Variants in EXPH5 observed in about 807,000 individuals in gnomAD.
The protein encoded by EXPH5 is exophilin-5.
EXPH5 carries 42 observed loss-of-function variants against 41.1 expected under a neutral mutation model. That is an observed-to-expected ratio of 1.02 (90% CI 0.80 to 1.32). The LOEUF is 1.32. Among genes scored for constraint, EXPH5 ranks in the 40% most tolerant of loss-of-function variants. The pLI is 0.00. For synonymous variants in EXPH5, 798 were observed against 833.5 expected (o/e 0.96, Z 0.73); for missense variants, 2,298 against 2,314.5 (o/e 0.99, Z 0.15).
At chr11:108,603,778 G>T in the EXPH5 span, among the ~76,000 whole-genome samples, 1 of 152,294 alleles carries the variant, frequency 6.6e-6, no homozygotes, top group South Asian at 2.1e-4. Flanking sequence ...ATGACTGAAT[G>T]CTGGAACAAA....
chr11:108,513,351 T>C lies in EXPH5; in HGVS notation c.2156A>G (p.Gln719Arg). 1 of 1,614,068 alleles carries C rather than the reference T, an allele frequency of 6.2e-7. No individual in the cohort carries two copies. The highest frequency in any genetic ancestry group is 1.1e-5 in the South Asian group (1 of 91,058). Residue 719 changes from glutamine (Q) to arginine (R), a missense_variant, in exon 6 of 6, where the codon CAG becomes CGG. Coordinates refer to ENST00000265843, the MANE Select transcript of EXPH5 (RefSeq NM_015065.3). ...EEDKQLSKMD[Q>R]TNKAGEIPQP... ...GGGTATTTCACCTGCCTTGTTTGTC[T>C]GGTCCATCTTGCTTAGCTGTTTGTC...
intron 1 of EXPH5, among the ~76,000 whole-genome samples, chr11:108,584,457 G>T (rs751219741): frequency 6.6e-6 from 1 of 151,148 alleles, no homozygotes; most frequent in East Asian, 1.9e-4. Flanking sequence ...CAGCTTAGGC[G>T]ACAAAGAGAG....
At chr11:108,569,966 A>G (rs987700319) in intron 1 of EXPH5, among the ~76,000 whole-genome samples, 2 of 152,174 alleles carry the variant, frequency 1.3e-5, no homozygotes, top group East Asian at 1.9e-4. Flanking sequence ...CAGCTCCAAG[A>G]AAAAGGTAAA....
rs1056250182 is a variant in EXPH5, at chr11:108,507,020, T to A, written c.*2517A>T. ...AAAATAATAATAATAATAATAATAA[T>A]CAGATAAATAGAAAAAGAGGAAAGG... On this transcript the variant is annotated 3_prime_UTR_variant, in exon 6 of 6. Coordinates refer to ENST00000265843, the MANE Select transcript of EXPH5 (RefSeq NM_015065.3). 3 of 151,656 alleles carry A rather than the reference T, an allele frequency of 2.0e-5. No homozygotes were observed. Among genetic ancestry groups the A allele is most frequent in the African/African-American group, 7.3e-5 (3 of 41,254 alleles). 9.4% of individuals were successfully genotyped at this position (151,656 alleles called of 1,614,324 possible). A position where few individuals can be genotyped will look rare whatever the true frequency, so the allele number is the denominator to read the frequency against.
At chr11:108,537,946 A>G in intron 3 of EXPH5, 5 of 984,522 alleles carry the variant, frequency 5.1e-6, no homozygotes, top group Non-Finnish European at 6.0e-6. Flanking sequence ...AAATTTTTAC[A>G]GAGAAAAACG....
At chr11:108,577,992 C>G (rs941753691) in intron 1 of EXPH5, among the ~76,000 whole-genome samples, 2 of 152,048 alleles carry the variant, frequency 1.3e-5, no homozygotes, top group African/African-American at 4.8e-5. Context: ...TGTAGGTTGT[C>G]TCTTCATGAT....
At chr11:108,582,269 C>A (rs1265352945) in intron 1 of EXPH5, among the ~76,000 whole-genome samples, 1 of 151,996 alleles carries the variant, frequency 6.6e-6, no homozygotes, top group Non-Finnish European at 1.5e-5. Context: ...TCAAGATCAG[C>A]CTGGGCAATA....
chr11:108,603,267 A>G, the EXPH5 span, among the ~76,000 whole-genome samples: 1 of 152,218 alleles, frequency 6.6e-6, no homozygotes, highest in Non-Finnish European at 1.5e-5. Context: ...TGCTGAACAT[A>G]TTTTGGAGCT....
At chr11:108,556,762 T>C (rs992251632) in intron 1 of EXPH5, among the ~76,000 whole-genome samples, 1 of 152,180 alleles carries the variant, frequency 6.6e-6, no homozygotes, top group Non-Finnish European at 1.5e-5. Flanking sequence ...GGCTGAGTCA[T>C]CAGGCCTGGC....
chr11:108,552,968 G>A (rs192065885), intron 1 of EXPH5, among the ~76,000 whole-genome samples: 69 of 152,222 alleles, frequency 4.5e-4, no homozygotes, highest in African/African-American at 1.5e-3. Flanking sequence ...GACCGAGGTG[G>A]GTGGATTACT....
Position 108,511,815 on chromosome 11 carries a change from GT to G in EXPH5, c.3691del (p.Thr1231ArgfsTer14). On this transcript the variant is annotated frameshift_variant, in exon 6 of 6. Transcript: ENST00000265843. LOFTEE classifies it low-confidence loss of function (END_TRUNC). ...ERGKTLHKVK[T>X]TSTFSVSGDE... ...ACCAGAAACAGAAAACGTACTAGTC[GT>G]CTTAACTTTATGTAATGTTTTCCCA... 1 of 1,602,582 alleles carries G rather than the reference GT, an allele frequency of 6.2e-7. No individual in the cohort carries two copies. Among genetic ancestry groups the G allele is most frequent in the Non-Finnish European group, 8.5e-7 (1 of 1,177,000 alleles).
At position 108,509,721 on chromosome 11, in the gene EXPH5, G is replaced by A. The variant is rs770654015; in HGVS notation, c.5786C>T (p.Pro1929Leu). The change falls in exon 6 of 6, where the codon CCT (proline) becomes CTT (leucine). Residue 1929 changes from proline to leucine, a missense_variant. Transcript: ENST00000265843. ...PGFLKDDLRNPPNPSESLSSN... is the reference protein window; with the variant it reads ...PGFLKDDLRNLPNPSESLSSN... ...GCTTAATGACTCTGAGGGGTTGGGA[G>A]GGTTCCTCAAATCATCTTTTAGGAA... 2 of 1,609,350 alleles carry A rather than the reference G, an allele frequency of 1.2e-6. No homozygotes were observed. Among genetic ancestry groups the A allele is most frequent in the Non-Finnish European group, 1.7e-6 (2 of 1,178,580 alleles).
At chr11:108,587,135 T>C (rs931546990) in intron 1 of EXPH5, among the ~76,000 whole-genome samples, 2 of 152,206 alleles carry the variant, frequency 1.3e-5, no homozygotes, top group Admixed American at 6.5e-5. Context: ...CTTTTATTAT[T>C]ACGATACTTT....
At chr11:108,538,006 G>GTCACA (rs1397913402) in intron 3 of EXPH5, 3 of 985,272 alleles carry the variant, frequency 3.0e-6, no homozygotes, top group African/African-American at 1.7e-5. Flanking sequence ...GGTAGCTACA[G>GTCACA]TCACATAAAT....
At chr11:108,542,316 A>G (rs1466549310) in intron 1 of EXPH5, among the ~76,000 whole-genome samples, 1 of 149,572 alleles carries the variant, frequency 6.7e-6, no homozygotes, top group Non-Finnish European at 1.5e-5. Context: ...TCAACTATGC[A>G]TGTATTTTAG....
At position 108,543,236 on chromosome 11, in the gene EXPH5, T is replaced by G. The variant is rs2093921935; in HGVS notation, c.120-1424A>C. Among the ~76,000 whole-genome samples, 4 of 152,256 alleles carry G rather than the reference T, an allele frequency of 2.6e-5. No individual in the cohort carries two copies. The South Asian group carries it at 8.3e-4, about 32-fold the overall frequency. On this transcript the variant is annotated intron_variant, in intron 1 of 5. Transcript: ENST00000265843. ...TCTCTCCTCCCCTTTCCTGCCCAAT[T>G]CTCTTTCAAATGAAAATGCTGCTTT... is the stretch of plus-strand genomic sequence containing the variant.
intron 3 of EXPH5, among the ~76,000 whole-genome samples, chr11:108,529,933 G>T (rs1219926544): frequency 1.3e-5 from 2 of 151,976 alleles, no homozygotes; most frequent in Admixed American, 1.3e-4. Context: ...GAACAGTAAT[G>T]GGGATCAAGA....
At chr11:108,572,410 TC>T (rs202022384) in intron 1 of EXPH5, among the ~76,000 whole-genome samples, 42 of 150,308 alleles carry the variant, frequency 2.8e-4, no homozygotes, top group African/African-American at 9.7e-4. Context: ...CTTTCTGTTT[TC>T]CTAGTTGGAC....
chr11:108,539,840 T>G (rs906668368), intron 2 of EXPH5, among the ~76,000 whole-genome samples: 35 of 152,298 alleles, frequency 2.3e-4, no homozygotes, highest in African/African-American at 7.2e-4. Context: ...TTTTTGGATT[T>G]GGGATGCTCA....
Sources: allele counts gnomAD v4.1 joint callset (sites outside exome capture counted in the v4.1 genomes callset), GRCh38; gene constraint gnomAD v4.1.1; transcripts MANE v1.5; gene names NCBI Gene and HGNC (gene_info 2026-07-23, HGNC 2026-07-21).